The following RNF17 variants were observed in gnomAD, a reference collection of about 807,000 sequenced individuals.
RNF17 encodes ring finger protein 17.
Under a neutral mutation model 200.5 loss-of-function variants are expected in RNF17, and 31 were observed. That is an observed-to-expected ratio of 0.15 (90% confidence interval 0.12 to 0.21). RNF17 has a LOEUF of 0.21. Ranked by LOEUF, RNF17 falls within the 10% of genes least tolerant of loss-of-function variation. The pLI is 1.00. For synonymous variants in RNF17, 606 were observed against 637.8 expected (o/e 0.95, Z 0.75); for missense variants, 1,628 against 1,905.1 (o/e 0.85, Z 2.71).
chr13:24,800,522 T>A lies in RNF17; in HGVS notation c.1746T>A (p.Val582=), dbSNP rs1355824253. Residue 582 remains valine, a synonymous_variant, in exon 13 of 36, where the codon GTT becomes GTA. Coordinates refer to ENST00000255324, the MANE Select transcript of RNF17 (RefSeq NM_031277.3). ...LAQPCSLKDI[V]PQNSNEGWEE... ...AACCATGCTCATTGAAAGACATTGT[T>A]CCACAGAATTCAGTAAGTGAGACTT... is the stretch of plus-strand genomic sequence containing the variant. 6.2e-7 allele frequency: 1 copy of A among 1,611,996 alleles called. No homozygotes were observed. Among genetic ancestry groups the A allele is most frequent in the Non-Finnish European group, 8.5e-7 (1 of 1,179,210 alleles).
the RNF17 span, among the ~76,000 whole-genome samples, chr13:24,887,515 T>C: frequency 6.6e-6 from 1 of 152,178 alleles, no homozygotes; most frequent in African/African-American, 2.4e-5. Flanking sequence ...GGGATCCAGG[T>C]TGCACGCTCC....
At chr13:24,888,198 T>G in the RNF17 span, among the ~76,000 whole-genome samples, 10 of 151,922 alleles carry the variant, frequency 6.6e-5, no homozygotes, top group Non-Finnish European at 1.2e-4. Flanking sequence ...ATTAAAGTCA[T>G]GAAAACCAAA....
downstream of RNF17, among the ~76,000 whole-genome samples, chr13:24,880,236 G>A (rs1413010752): frequency 1.3e-5 from 2 of 152,186 alleles, no homozygotes; most frequent in African/African-American, 4.8e-5. Flanking sequence ...AAGGTGGCAG[G>A]AGGGAGAAAT....
chr13:24,789,457 A>G (rs762354388), intron 8 of RNF17, 33 bp downstream of exon 8: 2 of 1,398,610 alleles, frequency 1.4e-6, no homozygotes, highest in Non-Finnish European at 2.0e-6. Context: ...GACCATAACA[A>G]GTATAAAGAT....
the RNF17 span, among the ~76,000 whole-genome samples, chr13:24,758,396 C>T: frequency 5.9e-5 from 9 of 152,068 alleles, no homozygotes; most frequent in Non-Finnish European, 1.2e-4. Flanking sequence ...TGACTAATAA[C>T]TTCTGTAATA....
chr13:24,794,178 G>A, intron 10 of RNF17: 1 of 456,376 alleles, frequency 2.2e-6, no homozygotes, highest in Non-Finnish European at 4.4e-6. Context: ...TGATCTTGGG[G>A]AGACACCTAG....
At chr13:24,813,989 C>CT (rs945368637) in intron 15 of RNF17, among the ~76,000 whole-genome samples, 1 of 152,024 alleles carries the variant, frequency 6.6e-6, no homozygotes, top group African/African-American at 2.4e-5. Context: ...TTCCACAAAA[C>CT]TTAACTACTA....
At chr13:24,884,209 T>A, downstream of RNF17, 1 of 1,614,188 alleles carries the variant, frequency 6.2e-7, no homozygotes, top group Non-Finnish European at 8.5e-7. Flanking sequence ...TCCGGGTATG[T>A]CGTGTGAGTG....
chr13:24,751,440 G>A, the RNF17 span: 2 of 151,160 alleles, frequency 1.3e-5, no homozygotes, highest in Non-Finnish European at 2.9e-5. Flanking sequence ...ATGTTTATAC[G>A]TCCTTTCTTT....
intron 18 of RNF17, among the ~76,000 whole-genome samples, chr13:24,841,767 T>C (rs999870329): frequency 1.3e-5 from 2 of 152,100 alleles, no homozygotes; most frequent in Non-Finnish European, 2.9e-5. Flanking sequence ...AAGACCAGCC[T>C]GGCCAACATG....
At chr13:24,751,425 T>C in the RNF17 span, 1 of 152,160 alleles carries the variant, frequency 6.6e-6, no homozygotes, top group African/African-American at 2.4e-5. Context: ...CTTGTTCTGC[T>C]CTGGATGTTT....
chr13:24,784,029 A>G (rs933561173), intron 6 of RNF17, among the ~76,000 whole-genome samples: 26 of 152,290 alleles, frequency 1.7e-4, no homozygotes, highest in African/African-American at 5.3e-4. Flanking sequence ...GGTCTTTATT[A>G]TAGTGAGGTA....
chr13:24,836,361 A>C (rs1299311907), intron 18 of RNF17, among the ~76,000 whole-genome samples: 1 of 152,264 alleles, frequency 6.6e-6, no homozygotes, highest in Non-Finnish European at 1.5e-5. Flanking sequence ...AGCACAAAGA[A>C]GACCTGGGAA....
chr13:24,853,338 T>C (rs78552879), intron 24 of RNF17, among the ~76,000 whole-genome samples: 1 of 151,892 alleles, frequency 6.6e-6, no homozygotes, highest in Non-Finnish European at 1.5e-5. Flanking sequence ...GGGATACCTA[T>C]TTTTTTTAAT....
chr13:24,865,191 T>C (rs1893493834), intron 29 of RNF17, among the ~76,000 whole-genome samples, 193 bp downstream of exon 29: 1 of 152,240 alleles, frequency 6.6e-6, no homozygotes, highest in African/African-American at 2.4e-5. Flanking sequence ...TGTAAAAGAC[T>C]TTAATTACAT....
chr13:24,870,985 A>T (rs1208634418), intron 32 of RNF17, among the ~76,000 whole-genome samples: 1 of 152,236 alleles, frequency 6.6e-6, no homozygotes, highest in East Asian at 1.9e-4. Flanking sequence ...CACAAATAAG[A>T]CAGCGTTGGA....
At chr13:24,863,179 G>A (rs1893269424) in intron 28 of RNF17, among the ~76,000 whole-genome samples, 1 of 152,120 alleles carries the variant, frequency 6.6e-6, no homozygotes, top group African/African-American at 2.4e-5. Flanking sequence ...TGTCCTCAAA[G>A]CCCTTATCTG....
upstream of RNF17, among the ~76,000 whole-genome samples, chr13:24,761,259 A>C (rs914537871): frequency 3.3e-5 from 5 of 152,206 alleles, no homozygotes; most frequent in African/African-American, 9.6e-5. Flanking sequence ...TTAGAATATT[A>C]ATATTTTGGC....
intron 16 of RNF17, among the ~76,000 whole-genome samples, chr13:24,827,805 G>A (rs1025926637): frequency 6.6e-6 from 1 of 150,786 alleles, no homozygotes; most frequent in Non-Finnish European, 1.5e-5. Context: ...TGAGGGCTTA[G>A]TCTCTGTTTC....
Sources: gnomAD v4.1 joint callset for allele counts (sites outside exome capture counted in the v4.1 genomes callset) on GRCh38, gnomAD v4.1.1 for gene constraint, MANE v1.5 for transcripts, NCBI Gene and HGNC (gene_info 2026-07-23, HGNC 2026-07-21) for gene names.